Variants in EDIL3 observed in about 807,000 individuals in gnomAD.
The protein encoded by EDIL3 is EGF like and discoidin domains 3.
A neutral mutation model predicts 67.4 loss-of-function variants in EDIL3; 37 were observed. The observed-to-expected ratio is 0.55, with a 90% CI of 0.42 to 0.72. The LOEUF is 0.72. EDIL3 is among the 30% of genes least tolerant of loss of function. EDIL3 has a pLI of 0.00. For synonymous variants in EDIL3, 195 were observed against 196.3 expected, an observed-to-expected ratio of 0.99 and a Z score of 0.05; for missense variants, 527 against 586.3, an observed-to-expected ratio of 0.90 and a Z score of 1.04.
chr5:84,118,199 A>G (rs1249287127), intron 5 of EDIL3, among the ~76,000 whole-genome samples: 1 of 152,142 alleles, frequency 6.6e-6, no homozygotes, highest in Non-Finnish European at 1.5e-5. Flanking sequence ...ACAACAACGA[A>G]AAAAACAAAA....
intron 9 of EDIL3, among the ~76,000 whole-genome samples, chr5:84,054,505 G>A (rs1398715941): frequency 5.3e-5 from 8 of 152,150 alleles, no homozygotes; most frequent in Non-Finnish European, 8.8e-5. Flanking sequence ...ATTAGGAGAA[G>A]AGGAAGTCAA....
chr5:84,377,484 C>T (rs1412787036), intron 1 of EDIL3, among the ~76,000 whole-genome samples: 3 of 152,064 alleles, frequency 2.0e-5, no homozygotes, highest in Non-Finnish European at 2.9e-5. Flanking sequence ...GTGTCATGAG[C>T]CCATTTCATC....
chr5:84,273,833 G>C (rs1209386498), intron 1 of EDIL3, among the ~76,000 whole-genome samples: 1 of 152,078 alleles, frequency 6.6e-6, no homozygotes, highest in Admixed American at 6.5e-5. Flanking sequence ...CTATCTCCTT[G>C]TATTTCTATA....
At chr5:84,256,593 T>C (rs1325467585) in intron 1 of EDIL3, among the ~76,000 whole-genome samples, 2 of 150,400 alleles carry the variant, frequency 1.3e-5, no homozygotes. Context: ...AATGATGAGG[T>C]CCAAAAGGTA....
intron 2 of EDIL3, among the ~76,000 whole-genome samples, chr5:84,232,840 ACAT>A (rs1156729940): frequency 7.9e-5 from 12 of 152,304 alleles, no homozygotes; most frequent in African/African-American, 2.9e-4. Context: ...ACTGAACAAA[ACAT>A]CATCAACTAT....
chr5:83,959,967 T>C lies in EDIL3; in HGVS notation c.1293+3238A>G, dbSNP rs1744578855. 2.0e-5 allele frequency among the ~76,000 whole-genome samples: 3 copies of C among 151,000 alleles called. No individual in the cohort carries two copies. In the South Asian group the frequency reaches 6.2e-4, roughly 31 times the overall value. On this transcript the variant is annotated intron_variant, in intron 10 of 10. Transcript: ENST00000296591. ...TCATTTGTTTTATAAAATTCTTTTC[T>C]ATGTAAAAATGGAGAGACCTAATGC...
chr5:84,170,018 C>G (rs143065850), intron 4 of EDIL3, among the ~76,000 whole-genome samples: 51 of 152,156 alleles, frequency 3.4e-4, no homozygotes, highest in Non-Finnish European at 1.2e-4. Context: ...TGGTTCAGTG[C>G]TATATTCCAC....
chr5:84,054,185 T>C (rs1400662965), intron 9 of EDIL3, among the ~76,000 whole-genome samples: 1 of 152,196 alleles, frequency 6.6e-6, no homozygotes, highest in Non-Finnish European at 1.5e-5. Context: ...ATCCAGCATA[T>C]AAACAGAACC....
At chr5:83,954,543 C>G (rs1405233532) in intron 10 of EDIL3, among the ~76,000 whole-genome samples, 1 of 151,812 alleles carries the variant, frequency 6.6e-6, no homozygotes, top group African/African-American at 2.4e-5. Context: ...TCCTTGACTT[C>G]CATCATGAGT....
At chr5:84,268,977 A>T (rs866316907) in intron 1 of EDIL3, among the ~76,000 whole-genome samples, 76 of 152,326 alleles carry the variant, frequency 5.0e-4, no homozygotes, top group African/African-American at 1.6e-3. Flanking sequence ...TTAATAAAAA[A>T]TAAAGACATA....
chr5:84,086,882 C>A (rs1367196661), intron 6 of EDIL3, among the ~76,000 whole-genome samples: 1 of 151,984 alleles, frequency 6.6e-6, no homozygotes, highest in Admixed American at 6.6e-5. Flanking sequence ...ATACCTGATC[C>A]CACGGTCCAA....
chr5:84,205,394 A>G (rs1330979843), intron 3 of EDIL3, among the ~76,000 whole-genome samples: 1 of 152,200 alleles, frequency 6.6e-6, no homozygotes, highest in Admixed American at 6.5e-5. Flanking sequence ...CAGAAAAACA[A>G]TGAAGTCAGA....
At chr5:84,086,217 G>A (rs1013245687) in intron 6 of EDIL3, among the ~76,000 whole-genome samples, 7 of 152,138 alleles carry the variant, frequency 4.6e-5, no homozygotes, top group Non-Finnish European at 8.8e-5. Context: ...GTACAAAAAA[G>A]GACCTCCTGC....
chr5:84,137,193 AC>A, intron 5 of EDIL3, 47 bp downstream of exon 5: 1 of 1,299,102 alleles, frequency 7.7e-7, no homozygotes, highest in East Asian at 2.4e-5. Context: ...ATACACACAC[AC>A]ACACACACAC....
At chr5:84,178,057 ATTGATTTTCAGTATAGTT>A (rs1305458035) in intron 4 of EDIL3, among the ~76,000 whole-genome samples, 1 of 152,114 alleles carries the variant, frequency 6.6e-6, no homozygotes, top group Non-Finnish European at 1.5e-5. Flanking sequence ...TCTCATTTTT[ATTGATTTTCAGTATAGTT>A]TTGATTTTCA....
intron 5 of EDIL3, among the ~76,000 whole-genome samples, chr5:84,133,819 C>A (rs1009098168): frequency 1.8e-4 from 27 of 151,404 alleles, no homozygotes; most frequent in Non-Finnish European, 3.7e-4. Context: ...AATAAATAAA[C>A]TAAAAAAGAA....
At chr5:84,139,230 C>G (rs2112317979) in intron 4 of EDIL3, among the ~76,000 whole-genome samples, 1 of 144,304 alleles carries the variant, frequency 6.9e-6, no homozygotes, top group East Asian at 2.2e-4. Flanking sequence ...GAGCTAGACT[C>G]TGTCTCGGGG....
intron 4 of EDIL3, among the ~76,000 whole-genome samples, chr5:84,156,413 CCTT>C (rs1748492976): frequency 6.6e-6 from 1 of 152,140 alleles, no homozygotes; most frequent in Non-Finnish European, 1.5e-5. Flanking sequence ...CTCAAGGACT[CCTT>C]CTTTATCAAC....
At chr5:84,015,990 C>T (rs909660437) in intron 9 of EDIL3, among the ~76,000 whole-genome samples, 5 of 152,056 alleles carry the variant, frequency 3.3e-5, no homozygotes, top group Non-Finnish European at 5.9e-5. Context: ...CTCATCACCC[C>T]GGTCTCCAGC....
Sources: gnomAD v4.1 joint callset for allele counts (sites outside exome capture counted in the v4.1 genomes callset) on GRCh38, gnomAD v4.1.1 for gene constraint, MANE v1.5 for transcripts, NCBI Gene and HGNC (gene_info 2026-07-23, HGNC 2026-07-21) for gene names.